Variants in SLC12A2 observed in about 807,000 individuals in gnomAD.
SLC12A2 encodes Na-K-2Cl cotransporter 1.
Under a neutral mutation model 136.3 loss-of-function variants are expected in SLC12A2, and 67 were observed. That is an observed-to-expected ratio of 0.49 (90% CI 0.40 to 0.60). The LOEUF (loss-of-function observed/expected upper bound fraction) is 0.60, where lower values mean the gene tolerates loss of function less well. Among genes scored for constraint, SLC12A2 ranks in the 20% least tolerant of loss-of-function variants. The pLI, the probability that SLC12A2 is intolerant of heterozygous loss-of-function variation, is 0.00. For missense variants in SLC12A2, 1,322 were observed against 1,534.7 expected (o/e 0.86, Z 2.32); for synonymous variants, 619 against 562.9 (o/e 1.10, Z -1.41).
chr5:128,161,607 T>A, intron 16 of SLC12A2, 53 bp from the exon 17 acceptor site: 1 of 1,131,542 alleles, frequency 8.8e-7, no homozygotes, highest in Non-Finnish European at 1.1e-6. Context: ...TTTGTATAAA[T>A]GTGAAGTTGC....
At chr5:128,102,600 T>TTTC (rs1478102807) in intron 1 of SLC12A2, among the ~76,000 whole-genome samples, 1 of 60,850 alleles carries the variant, frequency 1.6e-5, no homozygotes, top group Non-Finnish European at 2.9e-5. Context: ...CCCCGCCTTT[T>TTTC]TTTTTTTTTT....
Position 128,084,335 on chromosome 5 carries a change from G to T in SLC12A2, c.381G>T (p.Glu127Asp). ...PADGEASGESEPAKGSEEAKG... is the reference protein window; with the variant it reads ...PADGEASGESDPAKGSEEAKG... Reference sequence around the variant, plus strand: ...ACGGGGAAGCCAGCGGCGAGAGCGAGCCGGCTAAAGGCAGCGAGGAAGCCA... The same window carrying T: ...ACGGGGAAGCCAGCGGCGAGAGCGATCCGGCTAAAGGCAGCGAGGAAGCCA... Residue 127 changes from glutamate to aspartate, a missense_variant, in exon 1 of 27, where the codon GAG (glutamate) becomes GAT (aspartate). Transcript: ENST00000262461. The surrounding 1 kb of genome is among the most constrained non-coding windows in gnomAD (Gnocchi z 5.6). 1 of 1,575,046 alleles carries T rather than the reference G, an allele frequency of 6.3e-7. No individual in the cohort carries two copies. Among genetic ancestry groups the T allele is most frequent in the Non-Finnish European group, 8.6e-7 (1 of 1,165,174 alleles).
At chr5:128,120,854 TATA>T (rs1013661589) in intron 4 of SLC12A2, among the ~76,000 whole-genome samples, 26 of 151,724 alleles carry the variant, frequency 1.7e-4, no homozygotes, top group South Asian at 4.1e-4. Flanking sequence ...AAACTTAAAG[TATA>T]ATAATAATAA....
chr5:128,140,489 TTA>T (rs1762327547), intron 9 of SLC12A2, among the ~76,000 whole-genome samples: 1 of 152,252 alleles, frequency 6.6e-6, no homozygotes, highest in Non-Finnish European at 1.5e-5. Flanking sequence ...ACATAATTGA[TTA>T]TGTTTTAACT....
chr5:128,151,982 G>C (rs1373693438), intron 14 of SLC12A2, among the ~76,000 whole-genome samples: 1 of 152,116 alleles, frequency 6.6e-6, no homozygotes, highest in African/African-American at 2.4e-5. Flanking sequence ...AGATGATGAT[G>C]CTGGAGTATG....
rs1759931261 is a variant in SLC12A2 at position 128,084,031 on chromosome 5, C to T, written c.77C>T (p.Ala26Val). 7.9e-7 allele frequency: 1 copy of T among 1,266,376 alleles called. No homozygotes were observed. Among genetic ancestry groups the T allele is most frequent in the Non-Finnish European group, 9.9e-7 (1 of 1,008,498 alleles). 78.4% of individuals were successfully genotyped at this position (1,266,376 alleles called of 1,614,324 possible). A position where few individuals can be genotyped will look rare whatever the true frequency, so the allele number is the denominator to read the frequency against. ...AGVGETPSAA[A>V]LAAARVELPG... ...GTCGGGGAGACGCCGTCAGCCGCTG[C>T]GCTGGCCGCAGCCAGGGTGGAACTG... is the stretch of plus-strand genomic sequence containing the variant. The change falls in exon 1 of 27, where the codon GCG becomes GTG. Residue 26 changes from alanine (A) to valine (V), a missense_variant. By Grantham distance (64) the Ala-to-Val change is moderately conservative (BLOSUM62 0). Coordinates refer to ENST00000262461, the MANE Select transcript of SLC12A2 (RefSeq NM_001046.3). The surrounding 1 kb of genome is among the most constrained non-coding windows in gnomAD (Gnocchi z 5.6).
chr5:128,148,849 C>A lies in SLC12A2; in HGVS notation c.1977C>A (p.Phe659Leu). The A allele has an allele frequency of 6.2e-7, 1 of 1,601,000 alleles. No individual in the cohort carries two copies. Among genetic ancestry groups the A allele is most frequent in the African/African-American group, 1.3e-5 (1 of 74,348 alleles). Residue 659 changes from phenylalanine (F) to leucine (L), a missense_variant, in exon 12 of 27, where the codon TTC (phenylalanine) becomes TTA (leucine). Phe to Leu is a conservative substitution (Grantham distance 22). Coordinates refer to ENST00000262461, the MANE Select transcript of SLC12A2 (RefSeq NM_001046.3). ...NEPLRGYILT[F>L]LIALGFILIA... Reference sequence around the variant, plus strand: ...CTCTTCGTGGCTACATCTTAACATTCTTAATTGCACTTGGATTCATCTTAA... The same window carrying A: ...CTCTTCGTGGCTACATCTTAACATTATTAATTGCACTTGGATTCATCTTAA...
At chr5:128,136,727 C>T (rs779337241) in intron 7 of SLC12A2, among the ~76,000 whole-genome samples, 1 of 152,066 alleles carries the variant, frequency 6.6e-6, no homozygotes, top group African/African-American at 2.4e-5. Flanking sequence ...TCCTGTTACC[C>T]CCTTTAAATG....
chr5:128,124,135 C>A (rs999135006), intron 4 of SLC12A2, among the ~76,000 whole-genome samples: 1 of 152,126 alleles, frequency 6.6e-6, no homozygotes, highest in Non-Finnish European at 1.5e-5. Flanking sequence ...TGGCAAAAGC[C>A]CTTGTGACTC....
intron 14 of SLC12A2, 126 bp from the exon 15 acceptor site, chr5:128,152,580 C>T (rs1762738632): frequency 1.5e-6 from 1 of 682,728 alleles, no homozygotes. Context: ...ATTGAAAGTA[C>T]AATAGTGTAT....
intron 18 of SLC12A2, chr5:128,169,086 A>G (rs1763291352): frequency 6.6e-6 from 1 of 151,932 alleles, no homozygotes; most frequent in South Asian, 2.1e-4. Flanking sequence ...CTACTATTCT[A>G]AGATTTGCCT....
chr5:128,098,085 C>T (rs935805024), intron 1 of SLC12A2, among the ~76,000 whole-genome samples: 3 of 151,974 alleles, frequency 2.0e-5, no homozygotes, highest in Admixed American at 6.6e-5. Context: ...CATTGCTTTC[C>T]AGATTTTCTC....
chr5:128,161,907 C>A, intron 17 of SLC12A2, 107 bp downstream of exon 17: 3 of 759,696 alleles, frequency 3.9e-6, no homozygotes, highest in East Asian at 3.4e-5. Context: ...AATGGCAAAT[C>A]TTTTTTTATG....
intron 4 of SLC12A2, among the ~76,000 whole-genome samples, chr5:128,121,107 T>A (rs188017326): frequency 1.2e-4 from 18 of 152,292 alleles, no homozygotes; most frequent in African/African-American, 3.8e-4. Flanking sequence ...TAACTTTGGC[T>A]TTAACAGTAC....
chr5:128,128,040 G>A lies in SLC12A2; in HGVS notation c.1049-3027G>A, dbSNP rs527786591. 4.1e-4 allele frequency among the ~76,000 whole-genome samples: 63 copies of A among 151,826 alleles called. 1 individual carries two copies. In the South Asian group the frequency reaches 8.7e-3, roughly 21 times the overall value. ...TCACTAATTTTATGCTTCACTTTTC[G>A]TTATCAAATCAGTTCAAAATACTTT... On this transcript the variant is annotated intron_variant, in intron 4 of 26. Transcript: ENST00000262461.
chr5:128,133,039 G>A (rs529290161), intron 5 of SLC12A2, among the ~76,000 whole-genome samples: 1 of 151,570 alleles, frequency 6.6e-6, no homozygotes, highest in East Asian at 2.0e-4. Context: ...CTAAAAGCCA[G>A]TCAATAGATA....
intron 1 of SLC12A2, among the ~76,000 whole-genome samples, chr5:128,104,403 G>A (rs948784126): frequency 7.2e-5 from 11 of 151,924 alleles, no homozygotes; most frequent in Non-Finnish European, 1.3e-4. Flanking sequence ...AGGCCCAGGC[G>A]GGCAGATCAC....
rs1158760723 is a variant in SLC12A2, at chr5:128,168,119, T to G, written c.2723+252T>G. The G allele has an allele frequency of 2.9e-5, 8 of 272,212 alleles. No individual in the cohort carries two copies. In the Admixed American group the frequency reaches 4.3e-4, roughly 15 times the overall value. 16.9% of individuals were successfully genotyped at this position (272,212 alleles called of 1,614,324 possible). A position where few individuals can be genotyped will look rare whatever the true frequency, so the allele number is the denominator to read the frequency against. On this transcript the variant is annotated intron_variant, in intron 18 of 26. Coordinates refer to ENST00000262461, the MANE Select transcript of SLC12A2 (RefSeq NM_001046.3). ...ACACACACATATATGTATGTATATG[T>G]ATATATGTATACACTCTGGCTTCTC...
At chr5:128,146,858 C>A (rs760634762) in intron 10 of SLC12A2, among the ~76,000 whole-genome samples, 2 of 151,528 alleles carry the variant, frequency 1.3e-5, no homozygotes, top group Non-Finnish European at 3.0e-5. Context: ...GTATTCTTGC[C>A]AAAACTTGTA....
Sources: allele counts gnomAD v4.1 joint callset (sites outside exome capture counted in the v4.1 genomes callset), GRCh38; gene constraint gnomAD v4.1.1; non-coding constraint Gnocchi (gnomAD v3.1); transcripts MANE v1.5; gene names NCBI Gene and HGNC (gene_info 2026-07-23, HGNC 2026-07-21).